MCF2L2: variants seen among roughly 807,000 people sequenced by gnomAD.
MCF2L2 encodes the protein probable guanine nucleotide exchange factor MCF2L2.
In MCF2L2, 102 loss-of-function variants were observed where a neutral mutation model predicts 150.2. The observed-to-expected ratio is 0.68, with a 90% confidence interval of 0.58 to 0.80. The LOEUF is 0.80. Ranked by LOEUF, MCF2L2 falls within the 30% of genes least tolerant of loss-of-function variation. The pLI is 0.00. For synonymous variants in MCF2L2, 465 were observed against 491.3 expected, an observed-to-expected ratio of 0.95 and a Z score of 0.71; for missense variants, 1,256 against 1,372.8, an observed-to-expected ratio of 0.91 and a Z score of 1.34.
At chr3:183,279,184 C>T (rs1727337824) in intron 14 of MCF2L2, among the ~76,000 whole-genome samples, 2 of 152,106 alleles carry the variant, frequency 1.3e-5, no homozygotes, top group South Asian at 4.1e-4. Flanking sequence ...CATACACACA[C>T]ACATTTTTTC....
rs145910306 is a variant in MCF2L2 at position 183,394,594 on chromosome 3, G to A, written c.77-4815C>T. 4.1e-3 allele frequency among the ~76,000 whole-genome samples: 619 copies of A among 152,288 alleles called. 5 individuals are homozygous for A. Among genetic ancestry groups the A allele is most frequent in the African/African-American group, 0.014 (578 of 41,558 alleles). ...ATTTCCTTCTTTTACTGGGTCCTGC[G>A]CTATAGCGATGCTTAACCTGCCCCA... On this transcript the variant is annotated intron_variant, in intron 1 of 29. Coordinates refer to ENST00000328913, the MANE Select transcript of MCF2L2 (RefSeq NM_015078.4).
intron 3 of MCF2L2, among the ~76,000 whole-genome samples, chr3:183,370,220 T>C (rs2108576108): frequency 6.6e-6 from 1 of 152,376 alleles, no homozygotes; most frequent in East Asian, 1.9e-4. Context: ...TTTCCTGTGA[T>C]GGATCCCCAC....
At chr3:183,234,483 AT>A (rs1391215943) in intron 15 of MCF2L2, among the ~76,000 whole-genome samples, 2 of 152,182 alleles carry the variant, frequency 1.3e-5, no homozygotes, top group Non-Finnish European at 2.9e-5. Flanking sequence ...CAACTGCTTC[AT>A]TTTACCTGTT....
intron 15 of MCF2L2, among the ~76,000 whole-genome samples, chr3:183,248,467 T>C (rs536748335): frequency 1.1e-4 from 16 of 152,224 alleles, no homozygotes; most frequent in Non-Finnish European, 2.1e-4. Context: ...GAGTGGGATT[T>C]GAACCGTGTA....
intron 15 of MCF2L2, among the ~76,000 whole-genome samples, chr3:183,235,079 T>G (rs1187171071): frequency 9.3e-5 from 6 of 64,574 alleles, no homozygotes; most frequent in African/African-American, 1.5e-4. Flanking sequence ...TGCCACATTT[T>G]CTTAATCCAG....
At chr3:183,289,264 A>C (rs375540752) in intron 13 of MCF2L2, 44 bp from the exon 14 acceptor site, 1 of 1,304,670 alleles carries the variant, frequency 7.7e-7, no homozygotes, top group African/African-American at 1.5e-5. Flanking sequence ...CTTATAAACT[A>C]TAACTCAGTG....
chr3:183,339,002 C>T, intron 4 of MCF2L2, 83 bp from the exon 5 acceptor site: 1 of 1,367,768 alleles, frequency 7.3e-7, no homozygotes, highest in Middle Eastern at 2.0e-4. Flanking sequence ...TCCCCTTGCC[C>T]AAGATTAAGA....
In MCF2L2 at chr3:183,179,844, G is replaced by A; in HGVS notation, c.3106-152C>T. Reference sequence around the variant, plus strand: ...CTCAGCGGGAGCCCCAGTTATGACCGGACACCAGCGCACCGCCAAGGAGAC... The same window carrying A: ...CTCAGCGGGAGCCCCAGTTATGACCAGACACCAGCGCACCGCCAAGGAGAC... On this transcript the variant is annotated intron_variant, in intron 28 of 29. Transcript: ENST00000328913. This position sits in a 1 kb window ranked among gnomAD's most constrained non-coding sequence, Gnocchi z 4.2. 1 of 753,540 alleles carries A rather than the reference G, an allele frequency of 1.3e-6. No individual in the cohort carries two copies. The allele number at this position is 753,540 out of a possible 1,614,324, so 46.7% of individuals were successfully genotyped here.
rs1421949186 is a variant in MCF2L2, at chr3:183,207,785, G to A, written c.2535C>T (p.Gly845=). 4.3e-6 allele frequency: 7 copies of A among 1,614,082 alleles called. No homozygotes were observed. Among genetic ancestry groups the A allele is most frequent in the East Asian group, 4.5e-5 (2 of 44,906 alleles). ...IGKLGKLLLH[G]PFSVWTIHKD... ...TGTGAATTGTCCAGACGCTGAAAGG[G>A]CCGTGCAGCAACAGCTTGCCTAGTT... is the stretch of plus-strand genomic sequence containing the variant. The change falls in exon 23 of 30, where the codon GGC becomes GGT. Residue 845 remains glycine (G), a synonymous_variant. Transcript: ENST00000328913.
At chr3:183,415,620 TTG>T (rs1715549112) in intron 1 of MCF2L2, among the ~76,000 whole-genome samples, 1 of 152,256 alleles carries the variant, frequency 6.6e-6, no homozygotes, top group Non-Finnish European at 1.5e-5. Context: ...TAAAATATCC[TTG>T]TGTATCTCTA....
In MCF2L2 at chr3:183,180,111, TCA is replaced by T; in HGVS notation, c.3063_3064del (p.Cys1021Ter). ...CTCCTTTTCCATGTCTTCTGCGCCT[TCA>T]CAGTCTTCAAAGGTGTCCATGGAGC... On this transcript the variant is annotated stop_gained and frameshift_variant, in exon 28 of 30. Coordinates refer to ENST00000328913, the MANE Select transcript of MCF2L2 (RefSeq NM_015078.4). LOFTEE classifies it high-confidence loss of function. 5 of 1,614,046 alleles carry T rather than the reference TCA, an allele frequency of 3.1e-6. No individual in the cohort carries two copies. The highest frequency in any genetic ancestry group is 1.7e-4 in the Middle Eastern group (1 of 6,010).
intron 25 of MCF2L2, among the ~76,000 whole-genome samples, chr3:183,203,725 C>T (rs759041284): frequency 6.6e-6 from 1 of 152,134 alleles, no homozygotes; most frequent in South Asian, 2.1e-4. Flanking sequence ...TTAATCTATA[C>T]CTTCAAGAAA....
chr3:183,353,106 G>A (rs1045109851), intron 3 of MCF2L2, among the ~76,000 whole-genome samples: 4 of 152,016 alleles, frequency 2.6e-5, no homozygotes, highest in African/African-American at 9.7e-5. Context: ...CTAGTCTGTT[G>A]GCTTTCGCAA....
chr3:183,424,223 A>G (rs888822678), intron 1 of MCF2L2, among the ~76,000 whole-genome samples: 7 of 152,234 alleles, frequency 4.6e-5, no homozygotes, highest in African/African-American at 1.7e-4. Context: ...TGTGTCCTGC[A>G]TGGATGAAAA....
intron 3 of MCF2L2, among the ~76,000 whole-genome samples, chr3:183,362,910 T>C (rs1056465061): frequency 6.6e-6 from 1 of 152,186 alleles, no homozygotes; most frequent in Admixed American, 6.5e-5. Flanking sequence ...TATAAAGAAA[T>C]GTTATCTAAA....
chr3:183,254,617 C>G (rs1222476610), intron 15 of MCF2L2: 2 of 152,122 alleles, frequency 1.3e-5, no homozygotes, highest in Non-Finnish European at 1.5e-5. Context: ...GCGCGGGAGC[C>G]GCGAGGCGAA....
At position 183,305,202 on chromosome 3, in the gene MCF2L2, AC is replaced by A. The variant is rs1305855411; in HGVS notation, c.1113+4513del. Among the ~76,000 whole-genome samples, 1 of 152,194 alleles carries A rather than the reference AC, an allele frequency of 6.6e-6. No individual in the cohort carries two copies. The highest frequency in any genetic ancestry group is 1.5e-5 in the Non-Finnish European group (1 of 68,022). ...TCCAGGATCTGGCTCAGACCAACAT[AC>A]ACAGAGAAAAATGGCTGCACTTGTT... On this transcript the variant is annotated intron_variant, in intron 10 of 29. Coordinates refer to ENST00000328913, the MANE Select transcript of MCF2L2 (RefSeq NM_015078.4). The surrounding 1 kb of genome is among the most constrained non-coding windows in gnomAD (Gnocchi z 4.1).
At position 183,179,692 on chromosome 3, in the gene MCF2L2, G is replaced by C. The variant is rs1329288545; in HGVS notation, c.3106C>G (p.Leu1036Val). ...TCGTCCGACTGGAAAAGGCCCGCGA[G>C]CTGGAAGGGAGGGGACGGGTGCACC... is the stretch of plus-strand genomic sequence containing the variant. ...DMEKESSALSLAGLFQSDDSH... is the reference protein window; with the variant it reads ...DMEKESSALSVAGLFQSDDSH... Residue 1036 changes from leucine (L) to valine (V), a missense_variant and splice_region_variant, in exon 29 of 30, where the codon CTC becomes GTC. Leu to Val is a conservative substitution (Grantham distance 32). Coordinates refer to ENST00000328913, the MANE Select transcript of MCF2L2 (RefSeq NM_015078.4). The surrounding 1 kb of genome is among the most constrained non-coding windows in gnomAD (Gnocchi z 4.2). 3 of 1,613,424 alleles carry C rather than the reference G, an allele frequency of 1.9e-6. No homozygotes were observed. The highest frequency in any genetic ancestry group is 3.3e-5 in the Admixed American group (2 of 59,994).
At position 183,360,978 on chromosome 3, in the gene MCF2L2, G is replaced by GAA. The variant is rs1170391837; in HGVS notation, c.275+18317_275+18318dup. On this transcript the variant is annotated intron_variant, in intron 3 of 29. Coordinates refer to ENST00000328913, the MANE Select transcript of MCF2L2 (RefSeq NM_015078.4). ...ACTCAGAAAAGAAAAGAAAAGAAAA[G>GAA]AAAAGAAAAGAAAAGAAAAGAAAAG... is the stretch of plus-strand genomic sequence containing the variant. Among the ~76,000 whole-genome samples, 34 of 105,752 alleles carry GAA rather than the reference G, an allele frequency of 3.2e-4. 2 individuals carry two copies. Among genetic ancestry groups the GAA allele is most frequent in the African/African-American group, 1.9e-3 (34 of 18,092 alleles). The allele number at this position is 105,752 out of a possible 152,430, so 69.4% of individuals were successfully genotyped here. A position where few individuals can be genotyped will look rare whatever the true frequency, so the allele number is the denominator to read the frequency against.
Sources: allele counts gnomAD v4.1 joint callset (sites outside exome capture counted in the v4.1 genomes callset), GRCh38; gene constraint gnomAD v4.1.1; non-coding constraint Gnocchi (gnomAD v3.1); transcripts MANE v1.5; gene names NCBI Gene and HGNC (gene_info 2026-07-23, HGNC 2026-07-21).